The following PRKCE variants were observed in gnomAD, a reference collection of about 807,000 sequenced individuals.
The protein encoded by PRKCE is protein kinase C epsilon, also known as protein kinase C epsilon type.
PRKCE carries 16 observed loss-of-function variants against 85.4 expected under a neutral mutation model. The ratio of observed to expected loss-of-function variants is 0.19; its 90% CI spans 0.13 to 0.28. PRKCE has a LOEUF of 0.28. Ranked by LOEUF, PRKCE falls within the 10% of genes least tolerant of loss-of-function variation. The pLI, the probability that PRKCE is intolerant of heterozygous loss-of-function variation, is 1.00. For synonymous variants in PRKCE, 388 were observed against 371.5 expected, an observed-to-expected ratio of 1.04 and a Z score of -0.51; for missense variants, 573 against 975.2, an observed-to-expected ratio of 0.59 and a Z score of 5.49.
chr2:45,953,384 C>T (rs1700754152), intron 2 of PRKCE, among the ~76,000 whole-genome samples: 5 of 152,234 alleles, frequency 3.3e-5, no homozygotes, highest in Non-Finnish European at 2.9e-5. Flanking sequence ...CTGCCCAGGG[C>T]ACTTTTCATA....
rs188301931 is a variant in PRKCE at position 45,936,007 on chromosome 2, A to G, written c.413-40422A>G. Reference sequence around the variant, plus strand: ...TCTGTCCCCTGGGGTTCCCATGTCTATTGGTGAGGCAGCAGTGTGTGCTCG... The same window carrying G: ...TCTGTCCCCTGGGGTTCCCATGTCTGTTGGTGAGGCAGCAGTGTGTGCTCG... On this transcript the variant is annotated intron_variant, in intron 2 of 14. Transcript: ENST00000306156. Among the ~76,000 whole-genome samples the G allele has an allele frequency of 2.6e-5, 4 of 152,148 alleles. No homozygotes were observed. In the East Asian group the frequency reaches 5.8e-4, roughly 22 times the overall value.
At chr2:45,925,382 C>T (rs1291330975) in intron 2 of PRKCE, among the ~76,000 whole-genome samples, 1 of 152,104 alleles carries the variant, frequency 6.6e-6, no homozygotes, top group African/African-American at 2.4e-5. Context: ...CTGCAAACTC[C>T]ACCTCCCAGA....
intron 10 of PRKCE, among the ~76,000 whole-genome samples, chr2:46,026,843 C>T (rs1182353675): frequency 3.9e-5 from 6 of 152,060 alleles, no homozygotes; most frequent in East Asian, 1.9e-4. Context: ...CCCAAACAGG[C>T]GAGACTAAAC....
intron 1 of PRKCE, among the ~76,000 whole-genome samples, chr2:45,704,861 T>C (rs1678977466): frequency 6.6e-6 from 1 of 152,178 alleles, no homozygotes; most frequent in African/African-American, 2.4e-5. Flanking sequence ...TCAAATTTGG[T>C]TGAGGAAGAC....
intron 11 of PRKCE, among the ~76,000 whole-genome samples, chr2:46,105,015 TC>T (rs1553348542): frequency 2.0e-5 from 3 of 148,942 alleles, no homozygotes; most frequent in Non-Finnish European, 4.5e-5. Flanking sequence ...TGTGACATCT[TC>T]CTTTTTTTTT....
At chr2:46,096,423 C>T (rs1394263540) in intron 11 of PRKCE, among the ~76,000 whole-genome samples, 1 of 152,122 alleles carries the variant, frequency 6.6e-6, no homozygotes, top group Non-Finnish European at 1.5e-5. Flanking sequence ...TGTTGAAGCT[C>T]CAATCCCCAG....
At chr2:46,071,035 T>C (rs185527437) in intron 10 of PRKCE, among the ~76,000 whole-genome samples, 2 of 152,344 alleles carry the variant, frequency 1.3e-5, no homozygotes, top group Non-Finnish European at 2.9e-5. Flanking sequence ...TCCAAACAGC[T>C]AGGTCTCATC....
At chr2:46,114,920 A>G (rs1672623934) in intron 11 of PRKCE, among the ~76,000 whole-genome samples, 1 of 152,160 alleles carries the variant, frequency 6.6e-6, no homozygotes, top group Non-Finnish European at 1.5e-5. Context: ...GACCTTTATA[A>G]TATATGTTTA....
intron 10 of PRKCE, among the ~76,000 whole-genome samples, chr2:46,018,428 C>A (rs1706353219): frequency 6.6e-6 from 1 of 152,124 alleles, no homozygotes; most frequent in Non-Finnish European, 1.5e-5. Context: ...CGAGATCCCG[C>A]CACTGCCCTC....
intron 1 of PRKCE, among the ~76,000 whole-genome samples, chr2:45,677,605 C>T (rs889420299): frequency 8.5e-5 from 13 of 152,156 alleles, no homozygotes; most frequent in Non-Finnish European, 1.8e-4. Context: ...ATCCACCCGC[C>T]TCGGCCTCCC....
chr2:45,935,739 C>T (rs1333524625), intron 2 of PRKCE, among the ~76,000 whole-genome samples: 2 of 149,586 alleles, frequency 1.3e-5, no homozygotes, highest in Non-Finnish European at 3.0e-5. Context: ...GAGCCAAGAT[C>T]ATGCCACCGC....
At chr2:45,803,800 T>C (rs1277525738) in intron 1 of PRKCE, among the ~76,000 whole-genome samples, 5 of 152,206 alleles carry the variant, frequency 3.3e-5, no homozygotes, top group East Asian at 3.8e-4. Context: ...CTCCAAAATA[T>C]TGTATACACT....
intron 11 of PRKCE, among the ~76,000 whole-genome samples, chr2:46,122,005 T>C (rs914063260): frequency 6.6e-6 from 1 of 152,034 alleles, no homozygotes; most frequent in African/African-American, 2.4e-5. Flanking sequence ...TGAGATATAA[T>C]AGGCCTACAG....
chr2:45,897,908 T>C (rs1696271202), intron 2 of PRKCE, among the ~76,000 whole-genome samples: 1 of 152,220 alleles, frequency 6.6e-6, no homozygotes, highest in Non-Finnish European at 1.5e-5. Flanking sequence ...GACACCCGGA[T>C]AAACTGCTGG....
intron 11 of PRKCE, among the ~76,000 whole-genome samples, chr2:46,129,557 A>G (rs982309411): frequency 6.6e-6 from 1 of 152,240 alleles, no homozygotes; most frequent in African/African-American, 2.4e-5. Flanking sequence ...ATTTGAATAC[A>G]TGAGTGTATG....
At chr2:45,856,519 T>C (rs768304269) in intron 2 of PRKCE, among the ~76,000 whole-genome samples, 16 of 152,216 alleles carry the variant, frequency 1.1e-4, no homozygotes, top group Non-Finnish European at 1.8e-4. Context: ...GCGTGAGCCA[T>C]GTGCCTGGCG....
At chr2:45,820,108 C>T (rs1689401547) in intron 1 of PRKCE, among the ~76,000 whole-genome samples, 1 of 152,102 alleles carries the variant, frequency 6.6e-6, no homozygotes, top group Admixed American at 6.5e-5. Context: ...GGCGAATCCT[C>T]AATGGGATTT....
intron 11 of PRKCE, among the ~76,000 whole-genome samples, chr2:46,136,955 A>G (rs1675062988): frequency 6.6e-6 from 1 of 152,222 alleles, no homozygotes; most frequent in African/African-American, 2.4e-5. Context: ...AGTGCTTTAT[A>G]CACATAAAAG....
chr2:45,903,284 C>A (rs1696706226), intron 2 of PRKCE, among the ~76,000 whole-genome samples: 1 of 152,218 alleles, frequency 6.6e-6, no homozygotes, highest in South Asian at 2.1e-4. Context: ...TTCCTCCATA[C>A]ATTAACAGGC....
Sources: allele counts gnomAD v4.1 joint callset (sites outside exome capture counted in the v4.1 genomes callset), GRCh38; gene constraint gnomAD v4.1.1; transcripts MANE v1.5; gene names NCBI Gene and HGNC (gene_info 2026-07-23, HGNC 2026-07-21).